Variants in LRBA observed in about 807,000 individuals in gnomAD.
The protein encoded by LRBA is LPS responsive beige-like anchor protein.
LRBA carries 176 observed loss-of-function variants against 330.0 expected under a neutral mutation model. The observed-to-expected ratio is 0.53, with a 90% CI of 0.47 to 0.60. LRBA has a LOEUF of 0.60. Among genes scored for constraint, LRBA ranks in the 20% least tolerant of loss-of-function variants. The probability of loss-of-function intolerance (pLI) is 0.00; values close to 1 mark genes in which losing one functional copy is unlikely to be tolerated. For synonymous variants in LRBA, 1,230 were observed against 1,193.0 expected (o/e 1.03, Z -0.64); for missense variants, 3,259 against 3,444.8 (o/e 0.95, Z 1.35).
chr4:150,419,664 G>A (rs1366063420), intron 46 of LRBA, among the ~76,000 whole-genome samples: 2 of 108,864 alleles, frequency 1.8e-5, no homozygotes, highest in Non-Finnish European at 3.4e-5. Flanking sequence ...TTGAGATGAA[G>A]TCTTACTATG....
chr4:150,633,733 A>G (rs1009420353), intron 37 of LRBA, among the ~76,000 whole-genome samples: 3 of 152,202 alleles, frequency 2.0e-5, no homozygotes, highest in African/African-American at 4.8e-5. Flanking sequence ...GCTACTATCA[A>G]TATCTCCACA....
At chr4:150,895,262 T>C (rs1009863577) in intron 16 of LRBA, among the ~76,000 whole-genome samples, 2 of 152,182 alleles carry the variant, frequency 1.3e-5, no homozygotes, top group African/African-American at 4.8e-5. Context: ...AACAGATATT[T>C]CAACCTATTT....
chr4:150,353,417 A>C (rs1388415191), intron 47 of LRBA, among the ~76,000 whole-genome samples: 2 of 152,204 alleles, frequency 1.3e-5, no homozygotes, highest in Non-Finnish European at 2.9e-5. Flanking sequence ...GTGATTTGAG[A>C]CCATAAAATT....
At chr4:150,415,709 T>C (rs1361159108) in intron 46 of LRBA, 119 bp from the exon 47 acceptor site, 2 of 636,996 alleles carry the variant, frequency 3.1e-6, no homozygotes, top group Non-Finnish European at 5.2e-6. Flanking sequence ...CAGGGAATTT[T>C]TTTTTCTTTG....
chr4:150,340,099 G>A (rs968638187), intron 48 of LRBA, among the ~76,000 whole-genome samples: 1 of 152,080 alleles, frequency 6.6e-6, no homozygotes, highest in African/African-American at 2.4e-5. Flanking sequence ...AGAAGGATAT[G>A]TTTGCTTCCC....
chr4:150,841,823 T>G (rs1382362313), intron 28 of LRBA, among the ~76,000 whole-genome samples: 1 of 151,790 alleles, frequency 6.6e-6, no homozygotes, highest in Non-Finnish European at 1.5e-5. Context: ...CAGCTAATTC[T>G]GCTTTTGTAT....
At chr4:150,685,784 A>G (rs1290627484) in intron 36 of LRBA, among the ~76,000 whole-genome samples, 2 of 151,948 alleles carry the variant, frequency 1.3e-5, no homozygotes, top group African/African-American at 4.8e-5. Flanking sequence ...GGGAGATGAA[A>G]AGCTGAATTG....
At chr4:150,953,307 C>G (rs1051318778) in intron 2 of LRBA, among the ~76,000 whole-genome samples, 2 of 152,068 alleles carry the variant, frequency 1.3e-5, no homozygotes, top group African/African-American at 2.4e-5. Flanking sequence ...GACCATGTTA[C>G]TCATCCATAA....
chr4:150,461,246 C>A (rs1478643074), intron 44 of LRBA, among the ~76,000 whole-genome samples: 1 of 151,736 alleles, frequency 6.6e-6, no homozygotes, highest in Non-Finnish European at 1.5e-5. Context: ...GAACCAGCAA[C>A]TGGTGCCAAA....
chr4:150,914,009 C>T (rs113035130), intron 9 of LRBA, among the ~76,000 whole-genome samples, 186 bp downstream of exon 9: 3 of 152,112 alleles, frequency 2.0e-5, no homozygotes, highest in Non-Finnish European at 4.4e-5. Context: ...AGTTGAAAAC[C>T]ATCCAATTAC....
At chr4:150,391,333 T>C (rs1000272994) in intron 47 of LRBA, among the ~76,000 whole-genome samples, 1 of 152,180 alleles carries the variant, frequency 6.6e-6, no homozygotes, top group African/African-American at 2.4e-5. Context: ...GGAAGAAACT[T>C]TCCATGTCCA....
chr4:151,007,517 A>C (rs1319558808), intron 2 of LRBA, among the ~76,000 whole-genome samples: 7 of 144,324 alleles, frequency 4.9e-5, no homozygotes, highest in Non-Finnish European at 8.9e-5. Context: ...AAAAAAAAAA[A>C]CAAAAAAAAA....
chr4:150,562,208 C>A (rs1206269944), intron 40 of LRBA, among the ~76,000 whole-genome samples: 5 of 152,172 alleles, frequency 3.3e-5, no homozygotes, highest in Non-Finnish European at 7.3e-5. Context: ...ACAAATCTAC[C>A]AATCAACATA....
At chr4:150,772,328 A>G (rs1736693531) in intron 34 of LRBA, among the ~76,000 whole-genome samples, 2 of 152,198 alleles carry the variant, frequency 1.3e-5, no homozygotes, top group African/African-American at 4.8e-5. Flanking sequence ...ACTCACCAAG[A>G]GACCATAGGT....
At chr4:150,445,369 CTCTCTCTCTATATATATATA>C (rs1198392822) in intron 44 of LRBA, among the ~76,000 whole-genome samples, 13 of 84,392 alleles carry the variant, frequency 1.5e-4, no homozygotes, top group Middle Eastern at 5.4e-3. Context: ...CTCTCTCTCT[CTCTCTCTCTATATATATATA>C]TATATATATA....
intron 37 of LRBA, among the ~76,000 whole-genome samples, chr4:150,651,265 T>C (rs928166392): frequency 1.3e-5 from 2 of 152,098 alleles, no homozygotes; most frequent in African/African-American, 4.8e-5. Context: ...TGGGCTCCTG[T>C]TACAATTTCA....
At chr4:150,716,119 A>G (rs534968995) in intron 36 of LRBA, among the ~76,000 whole-genome samples, 4 of 152,340 alleles carry the variant, frequency 2.6e-5, no homozygotes, top group South Asian at 2.1e-4. Context: ...ACAACAAAAA[A>G]AAAAATCACT....
intron 30 of LRBA, 117 bp downstream of exon 30, chr4:150,828,063 G>A (rs1746534731): frequency 3.8e-6 from 3 of 787,736 alleles, no homozygotes; most frequent in Non-Finnish European, 6.2e-6. Flanking sequence ...TAAGTTCTGA[G>A]GGAGTGAAAA....
chr4:150,781,471 C>A (rs528344929), intron 34 of LRBA, among the ~76,000 whole-genome samples: 1 of 152,214 alleles, frequency 6.6e-6, no homozygotes, highest in Non-Finnish European at 1.5e-5. Context: ...TGATAGGGAG[C>A]GGCTATAAAT....
Sources: gnomAD v4.1 joint callset for allele counts (sites outside exome capture counted in the v4.1 genomes callset) on GRCh38, gnomAD v4.1.1 for gene constraint, MANE v1.5 for transcripts, NCBI Gene and HGNC (gene_info 2026-07-23, HGNC 2026-07-21) for gene names.